REDIC1: variants seen among roughly 807,000 people sequenced by gnomAD.
REDIC1 encodes regulator of DNA class I crossover intermediates 1, also known as HEI10 Interacting Protein 1.
At chr12:39,902,801 C>T in the REDIC1 span, among the ~76,000 whole-genome samples, 1 of 151,974 alleles carries the variant, frequency 6.6e-6, no homozygotes, top group Non-Finnish European at 1.5e-5. Flanking sequence ...TTTTAGTTAT[C>T]TACTATGAAT....
At chr12:39,745,782 A>T in the REDIC1 span, 1 of 152,208 alleles carries the variant, frequency 6.6e-6, no homozygotes, top group Non-Finnish European at 1.5e-5. Context: ...TGCTATGCAG[A>T]GGTTCACTAT....
At chr12:39,892,695 A>T in the REDIC1 span, among the ~76,000 whole-genome samples, 2 of 152,226 alleles carry the variant, frequency 1.3e-5, no homozygotes. Context: ...CAATTAATAC[A>T]GTACTAGTCA....
At chr12:39,703,716 T>C in the REDIC1 span, among the ~76,000 whole-genome samples, 2 of 152,200 alleles carry the variant, frequency 1.3e-5, no homozygotes, top group East Asian at 3.9e-4. Flanking sequence ...AGCATGGTAC[T>C]GGTACCAAAA....
At chr12:39,752,443 A>G in the REDIC1 span, among the ~76,000 whole-genome samples, 3 of 152,114 alleles carry the variant, frequency 2.0e-5, no homozygotes, top group East Asian at 5.8e-4. Flanking sequence ...AGGTCTATGG[A>G]AAAAATTGTC....
the REDIC1 span, among the ~76,000 whole-genome samples, chr12:39,704,287 A>G: frequency 6.6e-6 from 1 of 152,244 alleles, no homozygotes; most frequent in Non-Finnish European, 1.5e-5. Flanking sequence ...TTCTCAAAAG[A>G]AGACATTTAT....
the REDIC1 span, among the ~76,000 whole-genome samples, chr12:39,747,911 A>G: frequency 0.14 from 20,825 of 152,196 alleles, 1,687 homozygotes; most frequent in East Asian, 0.39. Context: ...CTGCCCTAAA[A>G]GAGCTCCTGA....
the REDIC1 span, among the ~76,000 whole-genome samples, chr12:39,821,366 T>C: frequency 2.6e-5 from 4 of 151,902 alleles, no homozygotes; most frequent in East Asian, 1.9e-4. Context: ...GCCGAGATTG[T>C]GCCACTACAC....
chr12:39,652,823 G>T, the REDIC1 span, among the ~76,000 whole-genome samples: 1 of 151,910 alleles, frequency 6.6e-6, no homozygotes, highest in East Asian at 1.9e-4. Context: ...AATTGCTTTG[G>T]CACCTTTGTC....
chr12:39,906,927 A>G, the REDIC1 span, among the ~76,000 whole-genome samples: 7 of 152,290 alleles, frequency 4.6e-5, no homozygotes, highest in South Asian at 1.4e-3. Context: ...GAAGCAAAAT[A>G]TATTTTTATT....
the REDIC1 span, among the ~76,000 whole-genome samples, chr12:39,781,555 A>C: frequency 6.6e-6 from 1 of 152,224 alleles, no homozygotes; most frequent in African/African-American, 2.4e-5. Flanking sequence ...ATATTGTCTC[A>C]CAGTTTTGAA....
At chr12:39,660,025 T>G in the REDIC1 span, among the ~76,000 whole-genome samples, 1 of 152,172 alleles carries the variant, frequency 6.6e-6, no homozygotes, top group South Asian at 2.1e-4. Flanking sequence ...CCCTTCTGAA[T>G]ACTTTCTTGA....
chr12:39,883,534 T>C, the REDIC1 span, among the ~76,000 whole-genome samples: 3 of 152,170 alleles, frequency 2.0e-5, no homozygotes, highest in East Asian at 5.8e-4. Context: ...ACAGTTTATT[T>C]AAAATTTTTC....
chr12:39,759,986 C>G, the REDIC1 span: 6 of 1,511,158 alleles, frequency 4.0e-6, no homozygotes, highest in South Asian at 1.1e-5. Context: ...TCTTCTCCCC[C>G]CAGTTTGTTT....
chr12:39,796,490 T>C, the REDIC1 span, among the ~76,000 whole-genome samples: 1 of 151,988 alleles, frequency 6.6e-6, no homozygotes, highest in Admixed American at 6.6e-5. Flanking sequence ...TCTAGGCCAT[T>C]TCCTTAAAAG....
the REDIC1 span, among the ~76,000 whole-genome samples, chr12:39,668,246 T>C: frequency 1.3e-5 from 2 of 152,306 alleles, no homozygotes; most frequent in East Asian, 1.9e-4. Flanking sequence ...TCAGGAGCTC[T>C]TTTAGGGCAG....
At chr12:39,898,313 T>C in the REDIC1 span, among the ~76,000 whole-genome samples, 3 of 152,138 alleles carry the variant, frequency 2.0e-5, no homozygotes, top group African/African-American at 7.2e-5. Context: ...TACACCCACA[T>C]GCCCAAAACA....
chr12:39,730,489 A>G, the REDIC1 span, among the ~76,000 whole-genome samples: 1 of 152,290 alleles, frequency 6.6e-6, no homozygotes, highest in African/African-American at 2.4e-5. Context: ...TTGGCCCCCA[A>G]CTTTCTTCTG....
the REDIC1 span, among the ~76,000 whole-genome samples, chr12:39,677,006 C>T: frequency 7.1e-6 from 1 of 140,670 alleles, no homozygotes; most frequent in Non-Finnish European, 1.5e-5. Context: ...TCTCACAGGG[C>T]TTGTAAAACA....
At chr12:39,872,694 T>G in the REDIC1 span, among the ~76,000 whole-genome samples, 2 of 152,212 alleles carry the variant, frequency 1.3e-5, no homozygotes, top group Admixed American at 1.3e-4. Flanking sequence ...GATGACAAGT[T>G]TATCACAAGA....
Sources: gnomAD v4.1 joint callset for allele counts (sites outside exome capture counted in the v4.1 genomes callset) on GRCh38, gnomAD v4.1.1 for gene constraint, MANE v1.5 for transcripts, NCBI Gene and HGNC (gene_info 2026-07-23, HGNC 2026-07-21) for gene names.